The following SUGCT variants were observed in gnomAD, a reference collection of about 807,000 sequenced individuals.
SUGCT encodes the protein succinyl-CoA:glutarate-CoA transferase.
In SUGCT, 41 loss-of-function variants were observed where a neutral mutation model predicts 55.0. That is an observed-to-expected ratio of 0.74 (90% confidence interval 0.58 to 0.97). The LOEUF is 0.97. SUGCT is among the 50% of genes least tolerant of loss of function. The probability of loss-of-function intolerance (pLI) is 0.00; values close to 1 mark genes in which losing one functional copy is unlikely to be tolerated. For synonymous variants in SUGCT, 187 were observed against 200.4 expected (o/e 0.93, Z 0.56); for missense variants, 568 against 547.8 (o/e 1.04, Z -0.37).
intron 6 of SUGCT, among the ~76,000 whole-genome samples, chr7:40,213,803 T>C (rs1787476661): frequency 6.6e-6 from 1 of 152,204 alleles, no homozygotes; most frequent in South Asian, 2.1e-4. Context: ...GTTTTGTTGC[T>C]AAAATTTCTC....
intron 12 of SUGCT, among the ~76,000 whole-genome samples, chr7:40,567,808 C>T (rs1584003759): frequency 1.3e-5 from 2 of 152,186 alleles, no homozygotes; most frequent in South Asian, 4.1e-4. Context: ...GACTAGGTAA[C>T]TCCTGGGGAA....
chr7:40,540,553 G>T (rs970247091), intron 12 of SUGCT, among the ~76,000 whole-genome samples: 3 of 152,218 alleles, frequency 2.0e-5, no homozygotes, highest in Non-Finnish European at 2.9e-5. Flanking sequence ...AGAAAATACA[G>T]CTTCCTGCAC....
the SUGCT span, among the ~76,000 whole-genome samples, chr7:40,982,551 G>A: frequency 1.3e-5 from 2 of 152,158 alleles, no homozygotes; most frequent in Non-Finnish European, 2.9e-5. Context: ...TCCAAGAAGT[G>A]AGTAATACTA....
At chr7:40,770,016 T>C (rs1214915606) in intron 13 of SUGCT, among the ~76,000 whole-genome samples, 1 of 152,168 alleles carries the variant, frequency 6.6e-6, no homozygotes, top group Non-Finnish European at 1.5e-5. Flanking sequence ...TTTTTATGCA[T>C]TTCTAATTAA....
At chr7:40,450,711 T>A (rs1339417653) in intron 10 of SUGCT, among the ~76,000 whole-genome samples, 1 of 151,736 alleles carries the variant, frequency 6.6e-6, no homozygotes, top group East Asian at 1.9e-4. Context: ...GAGGCGGAGG[T>A]TGCAGTGAGC....
At chr7:40,983,970 A>G in the SUGCT span, among the ~76,000 whole-genome samples, 1 of 152,182 alleles carries the variant, frequency 6.6e-6, no homozygotes, top group Non-Finnish European at 1.5e-5. Context: ...AATCGCCTGT[A>G]GGAACCAAGG....
At chr7:40,785,606 C>T (rs1789971664) in intron 13 of SUGCT, among the ~76,000 whole-genome samples, 1 of 152,084 alleles carries the variant, frequency 6.6e-6, no homozygotes, top group Admixed American at 6.6e-5. Flanking sequence ...ATTCTTGCCC[C>T]TCACTTTTTC....
At chr7:40,400,951 A>G (rs1305363253) in intron 9 of SUGCT, among the ~76,000 whole-genome samples, 1 of 152,206 alleles carries the variant, frequency 6.6e-6, no homozygotes, top group Non-Finnish European at 1.5e-5. Flanking sequence ...TCCAATCCGT[A>G]TAATCATCAG....
chr7:40,336,722 G>T (rs1335769067), intron 9 of SUGCT, among the ~76,000 whole-genome samples: 1 of 152,012 alleles, frequency 6.6e-6, no homozygotes. Flanking sequence ...TTGATTTTTT[G>T]AAGGGTTTTT....
intron 7 of SUGCT, among the ~76,000 whole-genome samples, chr7:40,268,016 A>T (rs919460147): frequency 3.3e-5 from 5 of 152,214 alleles, no homozygotes; most frequent in African/African-American, 1.2e-4. Flanking sequence ...GATTTTAAGC[A>T]GGTCTTTAAA....
rs397802473 is a variant in SUGCT at position 40,614,127 on chromosome 7, GT to G, written c.1089+117753del. Among the ~76,000 whole-genome samples, 1,259 of 142,580 alleles carry G rather than the reference GT, an allele frequency of 8.8e-3. 16 individuals are homozygous for G. The highest frequency in any genetic ancestry group is 0.027 in the African/African-American group (1,053 of 39,310). The allele number at this position is 142,580 out of a possible 152,430, so 93.5% of individuals were successfully genotyped here. A position where few individuals can be genotyped will look rare whatever the true frequency, so the allele number is the denominator to read the frequency against. ...AAAAATTATAAACAACCCCAAGGCT[GT>G]TTTTTTTTTTTAACTACATTATCCA... On this transcript the variant is annotated intron_variant, in intron 12 of 13. Coordinates refer to ENST00000335693, the MANE Select transcript of SUGCT (RefSeq NM_001193313.2).
In SUGCT at chr7:40,830,160, A is replaced by G. The variant is rs550305533; in HGVS notation, c.1154-30156A>G. 5.9e-5 allele frequency among the ~76,000 whole-genome samples: 9 copies of G among 152,182 alleles called. No homozygotes were observed. The East Asian group carries it at 9.7e-4, about 16-fold the overall frequency. ...CACCCCAGGCCCAGAGCCTCATCTC[A>G]GGTCTGCTCTGCTGACCACAGTCAC... On this transcript the variant is annotated intron_variant, in intron 13 of 13. Coordinates refer to ENST00000335693, the MANE Select transcript of SUGCT (RefSeq NM_001193313.2).
rs572574500 is a variant in SUGCT at position 40,181,963 on chromosome 7, C to T, written c.161C>T (p.Ala54Val). ...VKILDLTRVL[A>V]GPFATMNLGD... ...CATTTTTAACATTGTAGAGTCCTGG[C>T]GGGACCTTTTGCTACTATGAATTTA... The change falls in exon 3 of 14, where the codon GCG becomes GTG. Residue 54 changes from alanine (A) to valine (V), a missense_variant. By Grantham distance (64) the Ala-to-Val change is moderately conservative (BLOSUM62 0). Coordinates refer to ENST00000335693, the MANE Select transcript of SUGCT (RefSeq NM_001193313.2). The T allele has an allele frequency of 3.5e-5, 55 of 1,587,240 alleles. No homozygotes were observed. Among genetic ancestry groups the T allele is most frequent in the East Asian group, 1.4e-4 (6 of 44,160 alleles).
intron 12 of SUGCT, among the ~76,000 whole-genome samples, chr7:40,506,473 T>C (rs1792602351): frequency 6.6e-6 from 1 of 152,144 alleles, no homozygotes; most frequent in Non-Finnish European, 1.5e-5. Flanking sequence ...TATGTCTGGA[T>C]GTTTGTGGTT....
chr7:40,654,827 A>C (rs1341193132), intron 12 of SUGCT, among the ~76,000 whole-genome samples: 1 of 152,108 alleles, frequency 6.6e-6, no homozygotes, highest in Non-Finnish European at 1.5e-5. Flanking sequence ...CTGGTCCACT[A>C]TCTGTCCCCT....
the SUGCT span, among the ~76,000 whole-genome samples, chr7:40,930,018 T>C: frequency 1.3e-5 from 2 of 152,222 alleles, no homozygotes; most frequent in South Asian, 2.1e-4. Context: ...TGAATGGTAT[T>C]GCCTAGGTTT....
Position 40,178,827 on chromosome 7 carries a change from G to A in SUGCT, c.101-2120G>A, listed in dbSNP as rs187346003. Among the ~76,000 whole-genome samples, 183 of 151,996 alleles carry A rather than the reference G, an allele frequency of 1.2e-3. 2 individuals carry two copies. The highest frequency in any genetic ancestry group is 4.3e-3 in the African/African-American group (177 of 41,456). On this transcript the variant is annotated intron_variant, in intron 1 of 13. Transcript: ENST00000335693. ...CAATTTTTTCTGAATTATTTCTTTG[G>A]TAATATTCTCTTTTCTGTTTTTGCT...
intron 12 of SUGCT, among the ~76,000 whole-genome samples, chr7:40,647,852 C>G (rs1447468328): frequency 6.6e-6 from 1 of 151,950 alleles, no homozygotes; most frequent in Admixed American, 6.6e-5. Flanking sequence ...ACCACTTGCC[C>G]AAGTTCACAT....
chr7:40,750,487 A>T (rs911886616), intron 13 of SUGCT, among the ~76,000 whole-genome samples: 3 of 152,126 alleles, frequency 2.0e-5, no homozygotes, highest in African/African-American at 7.2e-5. Flanking sequence ...CTCTTCAGTC[A>T]CCTCAGTCAG....
Sources: gnomAD v4.1 joint callset for allele counts (sites outside exome capture counted in the v4.1 genomes callset) on GRCh38, gnomAD v4.1.1 for gene constraint, MANE v1.5 for transcripts, NCBI Gene and HGNC (gene_info 2026-07-23, HGNC 2026-07-21) for gene names.